The following TMEM154 variants were observed in gnomAD, a reference collection of about 807,000 sequenced individuals.
TMEM154 encodes the protein transmembrane protein 154.
Under a neutral mutation model 24.5 loss-of-function variants are expected in TMEM154, and 27 were observed. The ratio of observed to expected loss-of-function variants is 1.10; its 90% confidence interval spans 0.81 to 1.52. The LOEUF is 1.52. Among genes scored for constraint, TMEM154 ranks in the 40% most tolerant of loss-of-function variants. The probability of loss-of-function intolerance (pLI) is 0.00; values close to 1 mark genes in which losing one functional copy is unlikely to be tolerated. For synonymous variants in TMEM154, 67 were observed against 76.8 expected, an observed-to-expected ratio of 0.87 and a Z score of 0.67; for missense variants, 228 against 213.4, an observed-to-expected ratio of 1.07 and a Z score of -0.43.
chr4:152,627,140 T>C lies in TMEM154; in HGVS notation c.*1406A>G, dbSNP rs1045680685. The C allele has an allele frequency of 1.3e-5, 2 of 152,244 alleles. No homozygotes were observed. Among genetic ancestry groups the C allele is most frequent in the Admixed American group, 6.5e-5 (1 of 15,286 alleles). 9.4% of individuals were successfully genotyped at this position (152,244 alleles called of 1,614,324 possible). A position where few individuals can be genotyped will look rare whatever the true frequency, so the allele number is the denominator to read the frequency against. ...GTCTGGAACTCTGCCTTTGAAATTA[T>C]CCACGTAGTTCAGAAGGCAAATACT... On this transcript the variant is annotated 3_prime_UTR_variant, in exon 7 of 7. Coordinates refer to ENST00000304385, the MANE Select transcript of TMEM154 (RefSeq NM_152680.3).
intron 1 of TMEM154, among the ~76,000 whole-genome samples, chr4:152,673,331 C>A (rs1472658543): frequency 6.6e-6 from 1 of 151,968 alleles, no homozygotes; most frequent in African/African-American, 2.4e-5. Flanking sequence ...GACAGAATCT[C>A]ACTCTGTTGC....
chr4:152,651,957 A>C (rs1478697038), intron 3 of TMEM154, among the ~76,000 whole-genome samples: 1 of 152,214 alleles, frequency 6.6e-6, no homozygotes, highest in Non-Finnish European at 1.5e-5. Flanking sequence ...GTATCAGGGA[A>C]TAGAGAGGCC....
intron 3 of TMEM154, among the ~76,000 whole-genome samples, chr4:152,645,059 A>T (rs2149781599): frequency 6.6e-6 from 1 of 152,142 alleles, no homozygotes; most frequent in South Asian, 2.1e-4. Context: ...TCCCCAGCTC[A>T]GCACCTTGCT....
intron 6 of TMEM154, among the ~76,000 whole-genome samples, chr4:152,629,409 T>A (rs971773884): frequency 6.6e-6 from 1 of 152,166 alleles, no homozygotes; most frequent in Non-Finnish European, 1.5e-5. Context: ...CAGACATAAA[T>A]GATGTACATG....
intron 6 of TMEM154, among the ~76,000 whole-genome samples, chr4:152,628,935 G>A (rs1038795763): frequency 6.6e-6 from 1 of 151,874 alleles, no homozygotes. Context: ...GTGAGCCACT[G>A]CACCCGGCCA....
At position 152,619,434 on chromosome 4, in the gene TMEM154, C is replaced by T. The variant is rs933458072; in HGVS notation, c.*9112G>A. 1 of 28,216 alleles carries T rather than the reference C, an allele frequency of 3.5e-5. No homozygotes were observed. Among genetic ancestry groups the T allele is most frequent in the Non-Finnish European group, 1.2e-4 (1 of 8,166 alleles). 1.7% of individuals were successfully genotyped at this position (28,216 alleles called of 1,614,324 possible). On this transcript the variant is annotated 3_prime_UTR_variant, in exon 7 of 7. Transcript: ENST00000304385. ...GGTGCCTGCAACAAATCCCTTATCC[C>T]ACTTGCTCTTCTCATAATGTGGCTT...
At chr4:152,658,816 A>AG (rs1417586743) in intron 1 of TMEM154, among the ~76,000 whole-genome samples, 5 of 97,126 alleles carry the variant, frequency 5.1e-5, no homozygotes, top group Non-Finnish European at 1.1e-4. Flanking sequence ...CCATCTCAAA[A>AG]GAAAAAAAAA....
At chr4:152,630,309 C>CAAAAAA (rs56827457) in intron 6 of TMEM154, among the ~76,000 whole-genome samples, 14 of 91,282 alleles carry the variant, frequency 1.5e-4, no homozygotes, top group South Asian at 4.6e-4. Context: ...CACCCTGTCT[C>CAAAAAA]AAAAAAAAAA....
chr4:152,628,608 CA>C, intron 6 of TMEM154, 47 bp from the exon 7 acceptor site: 1 of 1,180,320 alleles, frequency 8.5e-7, no homozygotes, highest in Non-Finnish European at 1.1e-6. Flanking sequence ...AAAACACACA[CA>C]CACACACAAA....
chr4:152,633,913 TTA>T (rs1261567902), intron 6 of TMEM154, among the ~76,000 whole-genome samples: 2 of 151,148 alleles, frequency 1.3e-5, no homozygotes, highest in Non-Finnish European at 2.9e-5. Context: ...ACCTTATACC[TTA>T]TGTTTGGGTG....
At chr4:152,645,014 A>T (rs768672253) in intron 3 of TMEM154, among the ~76,000 whole-genome samples, 1 of 151,444 alleles carries the variant, frequency 6.6e-6, no homozygotes, top group African/African-American at 2.4e-5. Flanking sequence ...TTCCCCACCT[A>T]CTCTATTTAA....
intron 6 of TMEM154, among the ~76,000 whole-genome samples, chr4:152,631,577 C>G (rs145160807): frequency 2.0e-3 from 302 of 151,808 alleles, no homozygotes; most frequent in African/African-American, 6.9e-3. Flanking sequence ...GTAGCTGGGA[C>G]TACAGTTGTG....
chr4:152,658,513 A>G (rs1424924441), intron 1 of TMEM154, among the ~76,000 whole-genome samples: 2 of 151,772 alleles, frequency 1.3e-5, no homozygotes, highest in African/African-American at 4.8e-5. Flanking sequence ...ATATCATTTC[A>G]TTGAATGGTT....
intron 1 of TMEM154, among the ~76,000 whole-genome samples, chr4:152,658,460 T>G (rs984090789): frequency 6.6e-6 from 1 of 151,918 alleles, no homozygotes; most frequent in African/African-American, 2.4e-5. Context: ...CTAAATGAAA[T>G]AGAGACTAAA....
intron 6 of TMEM154, among the ~76,000 whole-genome samples, chr4:152,636,520 A>G (rs1752151966): frequency 6.6e-6 from 1 of 152,256 alleles, no homozygotes; most frequent in African/African-American, 2.4e-5. Flanking sequence ...TCCTTATTAA[A>G]ATCCTGTGCT....
rs545220090 is a variant in TMEM154 at position 152,655,232 on chromosome 4, A to T, written c.65-2305T>A. On this transcript the variant is annotated intron_variant, in intron 1 of 6. Transcript: ENST00000304385. ...TAAAGCACGGAAGGAGAGGGAAATA[A>T]GGCATCCTTCTTGGCTGAGACTGGC... 3.6e-4 allele frequency among the ~76,000 whole-genome samples: 55 copies of T among 152,350 alleles called. 1 individual carries two copies. The South Asian group carries it at 4.6e-3, about 13-fold the overall frequency.
intron 1 of TMEM154, chr4:152,668,730 A>C (rs1728770733): frequency 6.6e-6 from 1 of 152,428 alleles, no homozygotes; most frequent in Non-Finnish European, 1.5e-5. Flanking sequence ...CGCCACCAAG[A>C]GTGAAGGAGG....
rs986203964 is a variant in TMEM154 at position 152,619,736 on chromosome 4, C to T, written c.*8810G>A. On this transcript the variant is annotated 3_prime_UTR_variant, in exon 7 of 7. Coordinates refer to ENST00000304385, the MANE Select transcript of TMEM154 (RefSeq NM_152680.3). ...CCACAGGCTTGGCTGGGCTCCTATC[C>T]GACAGCCAGAACAAACTTGCCAGCC... 6 of 152,166 alleles carry T rather than the reference C, an allele frequency of 3.9e-5. No individual in the cohort carries two copies. Among genetic ancestry groups the T allele is most frequent in the South Asian group, 2.1e-4 (1 of 4,832 alleles). 9.4% of individuals were successfully genotyped at this position (152,166 alleles called of 1,614,324 possible).
intron 6 of TMEM154, among the ~76,000 whole-genome samples, chr4:152,631,672 C>A (rs1241598421): frequency 2.6e-5 from 4 of 152,090 alleles, no homozygotes; most frequent in South Asian, 2.1e-4. Context: ...CTCAAGCAAT[C>A]CACACACCTC....
Sources: allele counts gnomAD v4.1 joint callset (sites outside exome capture counted in the v4.1 genomes callset), GRCh38; gene constraint gnomAD v4.1.1; transcripts MANE v1.5; gene names NCBI Gene and HGNC (gene_info 2026-07-23, HGNC 2026-07-21).